TAB2: variants seen among roughly 807,000 people sequenced by gnomAD.
The protein encoded by TAB2 is TGF-beta-activated kinase 1 and MAP3K7-binding protein 2.
A neutral mutation model predicts 65.0 loss-of-function variants in TAB2; 3 were observed. The observed-to-expected ratio is 0.05, with a 90% CI of 0.02 to 0.12. The LOEUF is 0.12. Among genes scored for constraint, TAB2 ranks in the 10% least tolerant of loss-of-function variants. TAB2 has a pLI of 1.00. For synonymous variants in TAB2, 298 were observed against 285.1 expected, an observed-to-expected ratio of 1.05 and a Z score of -0.46; for missense variants, 623 against 840.3, an observed-to-expected ratio of 0.74 and a Z score of 3.20.
chr6:149,260,132 A>T (rs1778121607), intron 1 of TAB2, among the ~76,000 whole-genome samples: 1 of 152,214 alleles, frequency 6.6e-6, no homozygotes, highest in Non-Finnish European at 1.5e-5. Flanking sequence ...AAAATATCAC[A>T]CATGGCCACT....
At chr6:149,253,293 T>A (rs907125035) in intron 1 of TAB2, among the ~76,000 whole-genome samples, 1 of 152,244 alleles carries the variant, frequency 6.6e-6, no homozygotes, top group African/African-American at 2.4e-5. Context: ...ATATACTCTC[T>A]AATTCCCTTT....
At chr6:149,317,042 C>A (rs764258349), upstream of TAB2, among the ~76,000 whole-genome samples, 32 of 150,292 alleles carry the variant, frequency 2.1e-4, no homozygotes, top group Non-Finnish European at 3.7e-4. This position sits in a 1 kb window ranked among gnomAD's most constrained non-coding sequence, Gnocchi z 4.7. Flanking sequence ...GCCCCGGGGT[C>A]CGGCCGGGCC....
In TAB2 at chr6:149,294,258, G is replaced by A. The variant is rs191005966; in HGVS notation, c.-121+75482G>A. Among the ~76,000 whole-genome samples, 19 of 152,302 alleles carry A rather than the reference G, an allele frequency of 1.2e-4. No homozygotes were observed. In the East Asian group the frequency reaches 3.7e-3, roughly 29 times the overall value. ...GTTCCTACTGAAGGCTTTGAGGAAA[G>A]GATGTGTTCCAGACCTCCTTCCTTG... On this transcript the variant is annotated intron_variant, in intron 1 of 1. Transcript: ENST00000606202.
chr6:149,405,529 G>T (rs1037963927), intron 6 of TAB2, among the ~76,000 whole-genome samples: 1 of 152,140 alleles, frequency 6.6e-6, no homozygotes, highest in Non-Finnish European at 1.5e-5. Context: ...TAAAGAAAAC[G>T]TGAGAGATAC....
At chr6:149,390,470 T>C (rs1781947090) in intron 3 of TAB2, among the ~76,000 whole-genome samples, 1 of 152,218 alleles carries the variant, frequency 6.6e-6, no homozygotes, top group Non-Finnish European at 1.5e-5. Context: ...TTTAAACTTC[T>C]GGAGAAATTT....
At chr6:149,403,313 T>TATATATATATAC (rs1298336581) in intron 6 of TAB2, among the ~76,000 whole-genome samples, 33 of 66,844 alleles carry the variant, frequency 4.9e-4, no homozygotes, top group African/African-American at 2.0e-3. Flanking sequence ...TATATATATA[T>TATATATATATAC]ACACACACAT....
intron 1 of TAB2, chr6:149,246,721 C>G (rs917140979): frequency 6.6e-6 from 1 of 152,284 alleles, no homozygotes; most frequent in African/African-American, 2.4e-5. Context: ...GGCTGGAGCA[C>G]AGTGGCACAA....
intron 1 of TAB2, among the ~76,000 whole-genome samples, chr6:149,236,409 T>G (rs966634613): frequency 1.3e-5 from 2 of 152,176 alleles, no homozygotes; most frequent in Non-Finnish European, 2.9e-5. Context: ...AGGAGCTTTT[T>G]CAAATTATTT....
chr6:149,328,976 A>G (rs1779701485), intron 1 of TAB2, among the ~76,000 whole-genome samples: 1 of 152,182 alleles, frequency 6.6e-6, no homozygotes, highest in South Asian at 2.1e-4. Flanking sequence ...AACACCATGC[A>G]TGAAAGATGG....
intron 1 of TAB2, among the ~76,000 whole-genome samples, chr6:149,310,251 C>G (rs572698584): frequency 6.6e-6 from 1 of 151,964 alleles, no homozygotes; most frequent in Non-Finnish European, 1.5e-5. Flanking sequence ...GTGGGAGGAT[C>G]GCTTGAGCCT....
At chr6:149,385,680 A>G (rs1055646437) in intron 3 of TAB2, among the ~76,000 whole-genome samples, 1 of 152,166 alleles carries the variant, frequency 6.6e-6, no homozygotes, top group African/African-American at 2.4e-5. Context: ...TTCTACTCCA[A>G]AGGTTATCCA....
intron 1 of TAB2, among the ~76,000 whole-genome samples, chr6:149,284,463 G>A (rs1333074705): frequency 6.6e-6 from 1 of 151,740 alleles, no homozygotes; most frequent in Non-Finnish European, 1.5e-5. Context: ...TAAATGGTGA[G>A]TTTCTTGAAG....
At chr6:149,302,753 T>C (rs1778992221) in intron 1 of TAB2, among the ~76,000 whole-genome samples, 2 of 152,244 alleles carry the variant, frequency 1.3e-5, no homozygotes, top group South Asian at 4.1e-4. Flanking sequence ...TCTATCTATC[T>C]ATCTCCCAGC....
intron 6 of TAB2, among the ~76,000 whole-genome samples, chr6:149,402,846 C>A (rs538407550): frequency 6.6e-6 from 1 of 152,240 alleles, no homozygotes; most frequent in Admixed American, 6.5e-5. Context: ...TAATGTGATA[C>A]AGCACACACA....
At chr6:149,390,130 A>T (rs1781934449) in intron 3 of TAB2, among the ~76,000 whole-genome samples, 1 of 152,222 alleles carries the variant, frequency 6.6e-6, no homozygotes, top group African/African-American at 2.4e-5. Context: ...GACTATGGTA[A>T]TACAGTGATA....
At chr6:149,257,142 C>G (rs1778053963) in intron 1 of TAB2, among the ~76,000 whole-genome samples, 1 of 152,188 alleles carries the variant, frequency 6.6e-6, no homozygotes, top group African/African-American at 2.4e-5. Context: ...TTGAATCTTC[C>G]TTTCAACAGA....
At chr6:149,227,432 C>T (rs1198103287) in intron 1 of TAB2, among the ~76,000 whole-genome samples, 1 of 152,112 alleles carries the variant, frequency 6.6e-6, no homozygotes, top group East Asian at 1.9e-4. Flanking sequence ...ATACTCAAAA[C>T]ACTTGATACG....
chr6:149,252,139 G>T (rs1777874691), intron 1 of TAB2, among the ~76,000 whole-genome samples: 1 of 152,170 alleles, frequency 6.6e-6, no homozygotes, highest in Non-Finnish European at 1.5e-5. Flanking sequence ...GGGTGCAGTG[G>T]CTCATGCCTG....
intron 1 of TAB2, among the ~76,000 whole-genome samples, chr6:149,290,661 T>C (rs1196000542): frequency 6.6e-6 from 1 of 152,002 alleles, no homozygotes; most frequent in Non-Finnish European, 1.5e-5. Flanking sequence ...CTGGACAACA[T>C]GGCAAGATCC....
Sources: gnomAD v4.1 joint callset for allele counts (sites outside exome capture counted in the v4.1 genomes callset) on GRCh38, gnomAD v4.1.1 for gene constraint, Gnocchi (gnomAD v3.1) non-coding constraint, MANE v1.5 for transcripts, NCBI Gene and HGNC (gene_info 2026-07-23, HGNC 2026-07-21) for gene names.